The following CYP46A1 variants were observed in gnomAD, a reference collection of about 807,000 sequenced individuals.
CYP46A1 encodes the protein cytochrome P450 family 46 subfamily A member 1, also known as cholesterol 24-hydroxylase.
A neutral mutation model predicts 63.3 loss-of-function variants in CYP46A1; 20 were observed. The observed-to-expected ratio is 0.32, with a 90% CI of 0.22 to 0.46. CYP46A1 has a LOEUF of 0.46. Ranked by LOEUF, CYP46A1 falls within the 20% of genes least tolerant of loss-of-function variation. The probability of loss-of-function intolerance (pLI) is 1.00; values close to 1 mark genes in which losing one functional copy is unlikely to be tolerated. For synonymous variants in CYP46A1, 268 were observed against 273.6 expected (o/e 0.98, Z 0.20); for missense variants, 445 against 670.8 (o/e 0.66, Z 3.72).
Position 99,716,015 on chromosome 14 carries a change from C to T in CYP46A1, c.844+55C>T. On this transcript the variant is annotated intron_variant, in intron 8 of 14. Coordinates refer to ENST00000261835, the MANE Select transcript of CYP46A1 (RefSeq NM_006668.2). ...GGGCGGGGTGGGCCAGGACGTTCCC[C>T]AGGTGATACATCGCCACTGACTCTG... The T allele has an allele frequency of 1.9e-6, 3 of 1,602,290 alleles. No individual in the cohort carries two copies. The East Asian group carries it at 6.7e-5, about 36-fold the overall frequency.
intron 2 of CYP46A1, chr14:99,691,371 G>A (rs561894049): frequency 4.6e-5 from 28 of 602,430 alleles, no homozygotes; most frequent in South Asian, 3.2e-4. Context: ...TAGACCAGCC[G>A]TCAGAAGCTC....
chr14:99,721,410 G>T, intron 11 of CYP46A1, 87 bp downstream of exon 11: 1 of 979,698 alleles, frequency 1.0e-6, no homozygotes, highest in Non-Finnish European at 1.6e-6. Context: ...TCAGGACAGT[G>T]GTTCTCAAAC....
chr14:99,702,521 G>A (rs1199549305), intron 5 of CYP46A1, among the ~76,000 whole-genome samples: 1 of 152,120 alleles, frequency 6.6e-6, no homozygotes, highest in African/African-American at 2.4e-5. Context: ...TGGAAAGAAG[G>A]TAATCTTTGA....
At position 99,699,991 on chromosome 14, in the gene CYP46A1, GCATCACGTGTGTGTCTCCTACAGACTCTT is replaced by G; in HGVS notation, c.357-22_363del. Reference sequence around the variant, plus strand: ...CTCCCCACCCCCCACCCTCTTTCCCGCATCACGTGTGTGTCTCCTACAGACTCTTCGGCCAAGGCTTGGTGTCCGAATGC... The same window carrying G: ...CTCCCCACCCCCCACCCTCTTTCCCGCGGCCAAGGCTTGGTGTCCGAATGC... On this transcript the variant is annotated splice_acceptor_variant and splice_polypyrimidine_tract_variant and coding_sequence_variant and intron_variant, in exon 5 of 15. Coordinates refer to ENST00000261835, the MANE Select transcript of CYP46A1 (RefSeq NM_006668.2). LOFTEE classifies it high-confidence loss of function. 7.4e-7 allele frequency: 1 copy of G among 1,346,154 alleles called. No individual in the cohort carries two copies. The highest frequency in any genetic ancestry group is 9.8e-7 in the Non-Finnish European group (1 of 1,021,758). The allele number at this position is 1,346,154 out of a possible 1,614,324, so 83.4% of individuals were successfully genotyped here.
intron 2 of CYP46A1, chr14:99,691,423 T>G (rs747908778): frequency 2.4e-5 from 14 of 583,402 alleles, no homozygotes; most frequent in Non-Finnish European, 4.3e-5. Flanking sequence ...GGTGGGGGGG[T>G]GTGACCAGGT....
chr14:99,717,312 G>T (rs1425913436), intron 9 of CYP46A1, among the ~76,000 whole-genome samples: 1 of 152,144 alleles, frequency 6.6e-6, no homozygotes, highest in African/African-American at 2.4e-5. Context: ...ATGGGGGACT[G>T]GCCGAGGGCA....
chr14:99,691,090 A>G lies in CYP46A1; in HGVS notation c.129A>G (p.Leu43=). Residue 43 remains leucine, a synonymous_variant, in exon 2 of 15, where the codon CTA becomes CTG. Transcript: ENST00000261835. ...IPGPPRPSFL[L]GHLPCFWKKD... ...TTCCTGTTTCTTCTAGTTTCCTTCT[A>G]GGACACCTCCCCTGCTTTTGGAAAA... 1 of 1,614,108 alleles carries G rather than the reference A, an allele frequency of 6.2e-7. No homozygotes were observed. The highest frequency in any genetic ancestry group is 8.5e-7 in the Non-Finnish European group (1 of 1,179,996).
intron 5 of CYP46A1, among the ~76,000 whole-genome samples, chr14:99,704,706 A>T (rs2056660438): frequency 6.6e-6 from 1 of 152,224 alleles, no homozygotes; most frequent in Non-Finnish European, 1.5e-5. Context: ...AGACAACTAC[A>T]AATCATCTTG....
intron 1 of CYP46A1, among the ~76,000 whole-genome samples, chr14:99,686,174 G>T (rs182721301): frequency 6.6e-6 from 1 of 152,202 alleles, no homozygotes; most frequent in Non-Finnish European, 1.5e-5. Context: ...TGAGTTCCGT[G>T]GTGGACACTA....
In CYP46A1 at chr14:99,727,028, C is replaced by G. The variant is rs908897355; in HGVS notation, c.*301C>G. On this transcript the variant is annotated 3_prime_UTR_variant, in exon 15 of 15. Transcript: ENST00000261835. ...AGACACCCTAACTCTTGCTCACTCC[C>G]TAAAGCCCTCTTCAGGGGTCACCTC... is the stretch of plus-strand genomic sequence containing the variant. 1 of 360,484 alleles carries G rather than the reference C, an allele frequency of 2.8e-6. No individual in the cohort carries two copies. Among genetic ancestry groups the G allele is most frequent in the African/African-American group, 2.1e-5 (1 of 47,730 alleles). The allele number at this position is 360,484 out of a possible 1,614,324, so 22.3% of individuals were successfully genotyped here. A position where few individuals can be genotyped will look rare whatever the true frequency, so the allele number is the denominator to read the frequency against.
chr14:99,684,756 C>A (rs1355626646), intron 1 of CYP46A1: 1 of 635,720 alleles, frequency 1.6e-6, no homozygotes. Context: ...GCCCCACAAA[C>A]GTGATGGCAG....
chr14:99,725,624 A>C lies in CYP46A1; in HGVS notation c.1265+145A>C. On this transcript the variant is annotated intron_variant, in intron 13 of 14. Coordinates refer to ENST00000261835, the MANE Select transcript of CYP46A1 (RefSeq NM_006668.2). This position sits in a 1 kb window ranked among gnomAD's most constrained non-coding sequence, Gnocchi z 4.2. ...GTGGTTGTGGAGGAAATCACAGCTC[A>C]GAGAGGTTAAGTAACTTGCCCAAGT... is the stretch of plus-strand genomic sequence containing the variant. 1.5e-6 allele frequency: 1 copy of C among 649,094 alleles called. No individual in the cohort carries two copies. Among genetic ancestry groups the C allele is most frequent in the Non-Finnish European group, 2.7e-6 (1 of 367,586 alleles). The allele number at this position is 649,094 out of a possible 1,614,324, so 40.2% of individuals were successfully genotyped here. A position where few individuals can be genotyped will look rare whatever the true frequency, so the allele number is the denominator to read the frequency against.
At chr14:99,715,700 C>T (rs2056781821) in intron 7 of CYP46A1, 110 bp from the exon 8 acceptor site, 1 of 1,423,760 alleles carries the variant, frequency 7.0e-7, no homozygotes, top group Admixed American at 1.9e-5. Context: ...TCACATTCTA[C>T]TGACCTCCCA....
chr14:99,713,870 A>AC (rs576512884), intron 7 of CYP46A1, among the ~76,000 whole-genome samples: 304 of 84,802 alleles, frequency 3.6e-3, no homozygotes, highest in South Asian at 0.026. Context: ...CATCTCAAAA[A>AC]AAAAAAAAAA....
intron 1 of CYP46A1, among the ~76,000 whole-genome samples, chr14:99,685,246 C>T (rs2056482799): frequency 6.6e-6 from 1 of 151,650 alleles, no homozygotes; most frequent in Non-Finnish European, 1.5e-5. Context: ...ACCCACTCTG[C>T]AGCTTGCTCT....
chr14:99,706,671 A>T lies in CYP46A1; in HGVS notation c.468A>T (p.Thr156=), dbSNP rs1404006172. The T allele has an allele frequency of 6.2e-7, 1 of 1,613,970 alleles. No individual in the cohort carries two copies. The highest frequency in any genetic ancestry group is 8.5e-7 in the Non-Finnish European group (1 of 1,180,004). The stretch of plus-strand genomic sequence containing the variant: ...GCTCCTTGGTTAGCTTAATGGAAAC[A>T]TTCAACGAGAAGGCTGAGCAGCTGG... ...SRSSLVSLME[T]FNEKAEQLVE... is the part of the protein sequence containing the mutation. The change falls in exon 6 of 15, where the codon ACA becomes ACT. Residue 156 remains threonine (T), a synonymous_variant. Transcript: ENST00000261835.
At position 99,726,949 on chromosome 14, in the gene CYP46A1, G is replaced by A; in HGVS notation, c.*222G>A. ...TGGACTGGCCCTTGCCCAACTCCCA[G>A]CCACCACCACTGTCCCTACCACTGA... On this transcript the variant is annotated 3_prime_UTR_variant, in exon 15 of 15. Coordinates refer to ENST00000261835, the MANE Select transcript of CYP46A1 (RefSeq NM_006668.2). 1 of 432,108 alleles carries A rather than the reference G, an allele frequency of 2.3e-6. No homozygotes were observed. The highest frequency in any genetic ancestry group is 5.8e-4 in the Middle Eastern group (1 of 1,716). 26.8% of individuals were successfully genotyped at this position (432,108 alleles called of 1,614,324 possible). A position where few individuals can be genotyped will look rare whatever the true frequency, so the allele number is the denominator to read the frequency against.
At chr14:99,686,125 A>C (rs955224277) in intron 1 of CYP46A1, among the ~76,000 whole-genome samples, 1 of 152,166 alleles carries the variant, frequency 6.6e-6, no homozygotes, top group Non-Finnish European at 1.5e-5. Flanking sequence ...TAGACACTCT[A>C]TGAATAGCAA....
At chr14:99,703,920 T>C in intron 5 of CYP46A1, 2 of 976,084 alleles carry the variant, frequency 2.0e-6, no homozygotes, top group Non-Finnish European at 2.4e-6. Flanking sequence ...GAGACATTTA[T>C]TTAAGAAATA....
Sources: gnomAD v4.1 joint callset for allele counts (sites outside exome capture counted in the v4.1 genomes callset) on GRCh38, gnomAD v4.1.1 for gene constraint, Gnocchi (gnomAD v3.1) non-coding constraint, MANE v1.5 for transcripts, NCBI Gene and HGNC (gene_info 2026-07-23, HGNC 2026-07-21) for gene names.